Variants in NDUFB10 observed in about 807,000 individuals in gnomAD.
NDUFB10 encodes NADH dehydrogenase [ubiquinone] 1 beta subcomplex subunit 10.
NDUFB10 carries 23 observed loss-of-function variants against 19.0 expected under a neutral mutation model. That is an observed-to-expected ratio of 1.21 (90% confidence interval 0.87 to 1.71). NDUFB10 has a LOEUF of 1.71. Among genes scored for constraint, NDUFB10 ranks in the 40% most tolerant of loss-of-function variants. NDUFB10 has a pLI of 0.00. For missense variants in NDUFB10, 312 were observed against 230.6 expected, an observed-to-expected ratio of 1.35 and a Z score of -2.29; for synonymous variants, 104 against 81.8, an observed-to-expected ratio of 1.27 and a Z score of -1.46.
chr16:1,959,714 G>T lies in NDUFB10; in HGVS notation c.90G>T (p.Ala30=). 1 of 1,613,448 alleles carries T rather than the reference G, an allele frequency of 6.2e-7. No homozygotes were observed. Among genetic ancestry groups the T allele is most frequent in the Non-Finnish European group, 8.5e-7 (1 of 1,179,762 alleles). Reference sequence around the variant, plus strand: ...ATCCCATCGTCTACATGATGAAAGCGTTCGACCTCATCGTGGACCGACCCG... The same window carrying T: ...ATCCCATCGTCTACATGATGAAAGCTTTCGACCTCATCGTGGACCGACCCG... ...QPNPIVYMMK[A]FDLIVDRPVT... is the part of the protein sequence containing the mutation. Residue 30 remains alanine, a synonymous_variant, in exon 1 of 4, where the codon GCG becomes GCT. Coordinates refer to ENST00000268668, the MANE Select transcript of NDUFB10 (RefSeq NM_004548.3).
chr16:1,959,848 T>A, intron 1 of NDUFB10, 94 bp downstream of exon 1: 1 of 1,530,970 alleles, frequency 6.5e-7, no homozygotes, highest in Non-Finnish European at 8.9e-7. Context: ...CGGGGTCCCG[T>A]CTGCCTGAGA....
chr16:1,961,395 T>C, intron 2 of NDUFB10, 102 bp from the exon 3 acceptor site: 3 of 1,594,648 alleles, frequency 1.9e-6, no homozygotes, highest in East Asian at 2.2e-5. Context: ...AGGGGTGACA[T>C]GGGAGGAGCC....
chr16:1,960,629 C>T (rs1234376281), intron 1 of NDUFB10, among the ~76,000 whole-genome samples: 2 of 152,266 alleles, frequency 1.3e-5, no homozygotes, highest in East Asian at 3.8e-4. Flanking sequence ...AACCGTGCAA[C>T]AGCGGACCCA....
intron 1 of NDUFB10, 60 bp from the exon 2 acceptor site, chr16:1,961,093 G>A: frequency 1.3e-6 from 2 of 1,586,398 alleles, no homozygotes; most frequent in Non-Finnish European, 1.7e-6. Context: ...TGAGAAATAA[G>A]AAAGCTAAAA....
In NDUFB10 at chr16:1,961,850, C is replaced by T; in HGVS notation, c.463C>T (p.Gln155Ter). The T allele has an allele frequency of 6.4e-7, 1 of 1,565,158 alleles. No homozygotes were observed. The highest frequency in any genetic ancestry group is 1.2e-5 in the South Asian group (1 of 85,124). Reference protein sequence around the residue: ...SARKCLAKQRQRMLQERKAAK... With the variant: ...SARKCLAKQR ...CAGGAAGTGCCTGGCCAAACAGAGG[C>T]AGAGGATGCTGCAAGAGAGAAAAGC... The change falls in exon 4 of 4, where the codon CAG becomes TAG. Residue 155 changes from glutamine (Q) to a stop codon, truncating the protein, a stop_gained. Coordinates refer to ENST00000268668, the MANE Select transcript of NDUFB10 (RefSeq NM_004548.3). LOFTEE classifies it high-confidence loss of function.
rs1360100134 is a variant in NDUFB10, at chr16:1,961,244, G to C, written c.222G>C (p.Glu74Asp). 1.2e-6 allele frequency: 2 copies of C among 1,614,070 alleles called. No homozygotes were observed. Among genetic ancestry groups the C allele is most frequent in the Non-Finnish European group, 1.7e-6 (2 of 1,180,022 alleles). The change falls in exon 2 of 4, where the codon GAG (glutamate) becomes GAC (aspartate). Residue 74 changes from glutamate (E) to aspartate (D), a missense_variant. Transcript: ENST00000268668. ...CAGACATCACTGAGTGCAAGGAGGA[G>C]GACATCATGTGCATGTATGAAGCCG... Reference protein sequence around the residue: ...RVPDITECKEEDIMCMYEAEM... With the variant: ...RVPDITECKEDDIMCMYEAEM...
intron 2 of NDUFB10, 74 bp downstream of exon 2, chr16:1,961,365 G>C: frequency 6.2e-7 from 1 of 1,600,524 alleles, no homozygotes; most frequent in South Asian, 1.1e-5. Context: ...GGATGCCACA[G>C]GGTGGCATGC....
At chr16:1,961,459 C>G in intron 2 of NDUFB10, 38 bp from the exon 3 acceptor site, 1 of 1,610,892 alleles carries the variant, frequency 6.2e-7, no homozygotes, top group Non-Finnish European at 8.5e-7. Flanking sequence ...GAAAAGGATT[C>G]CTTGTGATTA....
chr16:1,961,486 T>C lies in NDUFB10; in HGVS notation c.270-11T>C. ...TTGTGATTAGCCTCTCTTGCTCCTT[T>C]TCTCCACCAGCAAAGTCGACCAAGA... On this transcript the variant is annotated splice_polypyrimidine_tract_variant and intron_variant, in intron 2 of 3. Transcript: ENST00000268668. 1 of 1,613,860 alleles carries C rather than the reference T, an allele frequency of 6.2e-7. No homozygotes were observed. Among genetic ancestry groups the C allele is most frequent in the Non-Finnish European group, 8.5e-7 (1 of 1,179,870 alleles).
rs892538673 is a variant in NDUFB10, at chr16:1,959,880, G to A, written c.130+126G>A. 3.0e-6 allele frequency: 4 copies of A among 1,322,252 alleles called. No individual in the cohort carries two copies. In the African/African-American group the frequency reaches 5.9e-5, roughly 19 times the overall value. 81.9% of individuals were successfully genotyped at this position (1,322,252 alleles called of 1,614,324 possible). On this transcript the variant is annotated intron_variant, in intron 1 of 3. Transcript: ENST00000268668. ...GAGACCGCCCCCCGCTGCACCCCGG[G>A]GACAACTCCCCACCCCCGGAGACCT...
chr16:1,960,846 G>A (rs910332882), intron 1 of NDUFB10, among the ~76,000 whole-genome samples: 10 of 152,186 alleles, frequency 6.6e-5, no homozygotes, highest in South Asian at 4.1e-4. Flanking sequence ...GCAGAGCTGC[G>A]TCCCAGTCCT....
In NDUFB10 at chr16:1,961,633, C is replaced by A; in HGVS notation, c.406C>A (p.Arg136Ser). 2 of 1,610,228 alleles carry A rather than the reference C, an allele frequency of 1.2e-6. No homozygotes were observed. Among genetic ancestry groups the A allele is most frequent in the Non-Finnish European group, 1.7e-6 (2 of 1,179,062 alleles). ...FTQVAKAYQD[R>S]YQDLGAYSSA... Reference sequence around the variant, plus strand: ...CCAGGTGGCCAAGGCCTACCAGGACCGCTGTGCGTGCCCCACCCACCCCCA... The same window carrying A: ...CCAGGTGGCCAAGGCCTACCAGGACAGCTGTGCGTGCCCCACCCACCCCCA... The change falls in exon 3 of 4, where the codon CGC becomes AGC. Residue 136 changes from arginine (R) to serine (S), a missense_variant. Physicochemically the swap from Arg to Ser is moderately radical, Grantham distance 110. Transcript: ENST00000268668.
Position 1,961,163 on chromosome 16 carries a change from G to C in NDUFB10, c.141G>C (p.Glu47Asp), listed in dbSNP as rs1252987612. ...RPVTLVREFI[E>D]RQHAKNRYYY... is the part of the protein sequence containing the mutation. ...GCTTTGTCTTTGCAGAATTTATAGA[G>C]CGGCAGCACGCAAAGAACAGGTATT... The change falls in exon 2 of 4, where the codon GAG becomes GAC. Residue 47 changes from glutamate (E) to aspartate (D), a missense_variant. Glu to Asp is a conservative substitution (Grantham distance 45). Coordinates refer to ENST00000268668, the MANE Select transcript of NDUFB10 (RefSeq NM_004548.3). The C allele has an allele frequency of 1.8e-5, 29 of 1,613,992 alleles. No individual in the cohort carries two copies. The highest frequency in any genetic ancestry group is 2.3e-5 in the Non-Finnish European group (27 of 1,179,974).
At position 1,961,156 on chromosome 16, in the gene NDUFB10, TTA is replaced by T. The variant is rs778962665; in HGVS notation, c.137_138del (p.Ile46ArgfsTer24). On this transcript the variant is annotated frameshift_variant, in exon 2 of 4. Coordinates refer to ENST00000268668, the MANE Select transcript of NDUFB10 (RefSeq NM_004548.3). LOFTEE classifies it high-confidence loss of function. ...GTCTGTGGCTTTGTCTTTGCAGAAT[TTA>T]TAGAGCGGCAGCACGCAAAGAACAG... is the stretch of plus-strand genomic sequence containing the variant. 10 of 1,613,894 alleles carry T rather than the reference TTA, an allele frequency of 6.2e-6. No individual in the cohort carries two copies. Among genetic ancestry groups the T allele is most frequent in the East Asian group, 2.2e-5 (1 of 44,878 alleles).
rs200337356 is a variant in NDUFB10, at chr16:1,961,269, G to T, written c.247G>T (p.Glu83Ter). Residue 83 changes from glutamate to a stop codon, truncating the protein, a stop_gained, in exon 2 of 4, where the codon GAA becomes TAA. Coordinates refer to ENST00000268668, the MANE Select transcript of NDUFB10 (RefSeq NM_004548.3). LOFTEE classifies it high-confidence loss of function. ...EEDIMCMYEA[E>*]MQWKRDYKVD... ...GGACATCATGTGCATGTATGAAGCC[G>T]AAATGCAGTGGAAGAGGGACTAGTA... is the stretch of plus-strand genomic sequence containing the variant. 4.3e-6 allele frequency: 7 copies of T among 1,613,904 alleles called. No homozygotes were observed. The highest frequency in any genetic ancestry group is 5.9e-6 in the Non-Finnish European group (7 of 1,180,036).
In NDUFB10 at chr16:1,961,041, G is replaced by C. The variant is rs552607407; in HGVS notation, c.131-112G>C. The C allele has an allele frequency of 7.6e-6, 10 of 1,319,954 alleles. No homozygotes were observed. The South Asian group carries it at 1.1e-4, about 15-fold the overall frequency. The allele number at this position is 1,319,954 out of a possible 1,614,324, so 81.8% of individuals were successfully genotyped here. On this transcript the variant is annotated intron_variant, in intron 1 of 3. Coordinates refer to ENST00000268668, the MANE Select transcript of NDUFB10 (RefSeq NM_004548.3). ...ACGAATTGCTGTTTTCTAAACGCTGGAACACTCAGGAAGTTCTCCTCTCTC... is the reference window on the plus strand; with the variant it reads ...ACGAATTGCTGTTTTCTAAACGCTGCAACACTCAGGAAGTTCTCCTCTCTC...
Position 1,961,964 on chromosome 16 carries a change from C to T in NDUFB10, c.*58C>T. On this transcript the variant is annotated 3_prime_UTR_variant, in exon 4 of 4. Coordinates refer to ENST00000268668, the MANE Select transcript of NDUFB10 (RefSeq NM_004548.3). ...GTATGACTGTTGCTGAAATATAAAG[C>T]CCTGCAACCTGCCTGTGTGTCTGGT... is the stretch of plus-strand genomic sequence containing the variant. 1 of 1,498,050 alleles carries T rather than the reference C, an allele frequency of 6.7e-7. No homozygotes were observed. Among genetic ancestry groups the T allele is most frequent in the East Asian group, 2.4e-5 (1 of 40,864 alleles). The allele number at this position is 1,498,050 out of a possible 1,614,324, so 92.8% of individuals were successfully genotyped here. A position where few individuals can be genotyped will look rare whatever the true frequency, so the allele number is the denominator to read the frequency against.
In NDUFB10 at chr16:1,961,213, G is replaced by A. The variant is rs149920175; in HGVS notation, c.191G>A (p.Arg64His). The A allele has an allele frequency of 9.8e-5, 158 of 1,614,018 alleles. No homozygotes were observed. Among genetic ancestry groups the A allele is most frequent in the Non-Finnish European group, 1.3e-4 (155 of 1,180,044 alleles). ...TACTACTACCACCGGCAGTACCGCC[G>A]CGTGCCAGACATCACTGAGTGCAAG... ...RYYYYHRQYR[R>H]VPDITECKEE... The change falls in exon 2 of 4, where the codon CGC (arginine) becomes CAC (histidine). Residue 64 changes from arginine (R) to histidine (H), a missense_variant. Transcript: ENST00000268668.
chr16:1,961,973 C>G lies in NDUFB10; in HGVS notation c.*67C>G, dbSNP rs1234262238. 2.0e-6 allele frequency: 3 copies of G among 1,486,290 alleles called. No homozygotes were observed. In the African/African-American group the frequency reaches 4.2e-5, roughly 21 times the overall value. The allele number at this position is 1,486,290 out of a possible 1,614,324, so 92.1% of individuals were successfully genotyped here. A position where few individuals can be genotyped will look rare whatever the true frequency, so the allele number is the denominator to read the frequency against. On this transcript the variant is annotated 3_prime_UTR_variant, in exon 4 of 4. Transcript: ENST00000268668. ...TTGCTGAAATATAAAGCCCTGCAAC[C>G]TGCCTGTGTGTCTGGTGTGATCTAT...
Sources: gnomAD v4.1 joint callset for allele counts (sites outside exome capture counted in the v4.1 genomes callset) on GRCh38, gnomAD v4.1.1 for gene constraint, MANE v1.5 for transcripts, NCBI Gene and HGNC (gene_info 2026-07-23, HGNC 2026-07-21) for gene names.